RANBP3L: variants seen among roughly 807,000 people sequenced by gnomAD.
The protein encoded by RANBP3L is ran-binding protein 3-like.
Under a neutral mutation model 67.2 loss-of-function variants are expected in RANBP3L, and 56 were observed. The observed-to-expected ratio is 0.83, with a 90% CI of 0.67 to 1.04. The LOEUF is 1.04. Ranked by LOEUF, RANBP3L falls within the 50% of genes least tolerant of loss-of-function variation. The pLI is 0.00. For missense variants in RANBP3L, 496 were observed against 535.5 expected, an observed-to-expected ratio of 0.93 and a Z score of 0.73; for synonymous variants, 164 against 181.4, an observed-to-expected ratio of 0.90 and a Z score of 0.77.
chr5:36,289,113 G>C (rs1445751985), intron 1 of RANBP3L, among the ~76,000 whole-genome samples: 2 of 151,974 alleles, frequency 1.3e-5, no homozygotes, highest in African/African-American at 4.8e-5. Context: ...GGTAGGTATT[G>C]TGGTTCATTT....
chr5:36,273,297 A>G (rs951051819), intron 1 of RANBP3L, among the ~76,000 whole-genome samples: 5 of 152,226 alleles, frequency 3.3e-5, no homozygotes, highest in African/African-American at 1.2e-4. Context: ...ATCCAAGCAT[A>G]TAACTAAAAA....
chr5:36,271,375 A>C, intron 1 of RANBP3L, 64 bp from the exon 2 acceptor site: 1 of 1,060,628 alleles, frequency 9.4e-7, no homozygotes, highest in Non-Finnish European at 1.4e-6. Flanking sequence ...ACATCATCTA[A>C]AAATATTTGA....
intron 12 of RANBP3L, among the ~76,000 whole-genome samples, chr5:36,252,728 G>A (rs1321027890): frequency 6.6e-6 from 1 of 152,048 alleles, no homozygotes; most frequent in Admixed American, 6.6e-5. Context: ...CTAAAACCAA[G>A]GGGGAATCTG....
chr5:36,287,467 A>G (rs1046579401), intron 1 of RANBP3L, among the ~76,000 whole-genome samples: 1 of 152,220 alleles, frequency 6.6e-6, no homozygotes, highest in Admixed American at 6.5e-5. Context: ...TGCTATGTAA[A>G]TGCAAACAAG....
chr5:36,258,976 G>T (rs931643885), intron 8 of RANBP3L, among the ~76,000 whole-genome samples: 3 of 152,214 alleles, frequency 2.0e-5, no homozygotes, highest in African/African-American at 7.2e-5. Flanking sequence ...TTTATATACC[G>T]TAAGAACTCA....
At position 36,301,455 on chromosome 5, in the gene RANBP3L, G is replaced by A. The variant is rs1752611838; in HGVS notation, c.-39C>T. On this transcript the variant is annotated 5_prime_UTR_variant, in exon 1 of 14. Transcript: ENST00000296604. ...TGGCTGTGACTCAAGGATCACTAGG[G>A]CACCTCCTTCTCTGGCCAGTCACCT... 1 of 1,517,478 alleles carries A rather than the reference G, an allele frequency of 6.6e-7. No individual in the cohort carries two copies. The highest frequency in any genetic ancestry group is 9.1e-7 in the Non-Finnish European group (1 of 1,096,310). The allele number at this position is 1,517,478 out of a possible 1,614,324, so 94.0% of individuals were successfully genotyped here. A position where few individuals can be genotyped will look rare whatever the true frequency, so the allele number is the denominator to read the frequency against.
intron 1 of RANBP3L, among the ~76,000 whole-genome samples, chr5:36,282,171 T>C (rs1454110767): frequency 6.6e-6 from 1 of 152,166 alleles, no homozygotes; most frequent in Non-Finnish European, 1.5e-5. Context: ...ACTCGCAGTG[T>C]GAAAATGCTC....
chr5:36,271,232 C>A (rs781466028), intron 2 of RANBP3L, 21 bp downstream of exon 2: 2 of 1,334,400 alleles, frequency 1.5e-6, no homozygotes, highest in East Asian at 2.3e-5. Flanking sequence ...TAAAATTGAA[C>A]AAAGAAGTAG....
Position 36,260,806 on chromosome 5 carries a change from CA to C in RANBP3L, c.642del (p.Phe214LeufsTer6). The stretch of plus-strand genomic sequence containing the variant: ...AAAACTCTTTCTACCATGTTTTCTC[CA>C]AAAACAAAATTGGAACTGCAGCTTT... ...SFKSCSSNFV[F>X]GENMVERVLG... On this transcript the variant is annotated frameshift_variant, in exon 8 of 14. Transcript: ENST00000296604. LOFTEE classifies it high-confidence loss of function. 2 of 1,560,098 alleles carry C rather than the reference CA, an allele frequency of 1.3e-6. No individual in the cohort carries two copies. Among genetic ancestry groups the C allele is most frequent in the Non-Finnish European group, 1.8e-6 (2 of 1,135,716 alleles).
At chr5:36,271,484 G>C (rs911703598) in intron 1 of RANBP3L, among the ~76,000 whole-genome samples, 173 bp from the exon 2 acceptor site, 1 of 151,976 alleles carries the variant, frequency 6.6e-6, no homozygotes, top group African/African-American at 2.4e-5. Flanking sequence ...TAATTTAACA[G>C]TTAATTACAG....
intron 1 of RANBP3L, among the ~76,000 whole-genome samples, chr5:36,279,757 G>T (rs1469271985): frequency 6.6e-6 from 1 of 152,116 alleles, no homozygotes; most frequent in African/African-American, 2.4e-5. Context: ...GTTCTTAACT[G>T]CTTTAAAGTT....
At chr5:36,254,004 G>C (rs1024663831) in intron 11 of RANBP3L, among the ~76,000 whole-genome samples, 1 of 151,974 alleles carries the variant, frequency 6.6e-6, no homozygotes, top group African/African-American at 2.4e-5. Flanking sequence ...CTTTTTTACT[G>C]TAATATTTAA....
chr5:36,276,075 C>G (rs1750547148), intron 1 of RANBP3L, among the ~76,000 whole-genome samples: 1 of 152,166 alleles, frequency 6.6e-6, no homozygotes, highest in South Asian at 2.1e-4. Context: ...AGCAAGCATA[C>G]AGTACCTTGC....
At chr5:36,256,804 C>A (rs1455933293) in intron 10 of RANBP3L, 137 bp downstream of exon 10, 5 of 723,488 alleles carry the variant, frequency 6.9e-6, no homozygotes, top group Non-Finnish European at 8.7e-6. Flanking sequence ...TTGAGAGCAT[C>A]CAACATTTTT....
chr5:36,276,449 T>A (rs1750572270), intron 1 of RANBP3L, among the ~76,000 whole-genome samples: 1 of 151,958 alleles, frequency 6.6e-6, no homozygotes, highest in African/African-American at 2.4e-5. Context: ...AATCTCTTGA[T>A]GTGCTTAATT....
intron 1 of RANBP3L, among the ~76,000 whole-genome samples, chr5:36,289,983 A>G (rs1751601251): frequency 6.6e-6 from 1 of 152,200 alleles, no homozygotes; most frequent in Non-Finnish European, 1.5e-5. Context: ...GAAAATGTGC[A>G]ATCTTCTACA....
At chr5:36,268,221 G>C in intron 4 of RANBP3L, 1 of 1,540,674 alleles carries the variant, frequency 6.5e-7, no homozygotes, top group Non-Finnish European at 8.8e-7. Flanking sequence ...AGGTTGGGAG[G>C]TTAGTGACGG....
chr5:36,286,397 C>T (rs1378025689), intron 1 of RANBP3L, among the ~76,000 whole-genome samples: 7 of 152,156 alleles, frequency 4.6e-5, no homozygotes, highest in African/African-American at 1.7e-4. Context: ...TTCCTCTCCC[C>T]TCTCCCTTAT....
At position 36,301,650 on chromosome 5, in the gene RANBP3L, G is replaced by A; in HGVS notation, c.-234C>T. 4.7e-6 allele frequency: 2 copies of A among 426,458 alleles called. No homozygotes were observed. The highest frequency in any genetic ancestry group is 5.9e-5 in the South Asian group (1 of 17,092). 26.4% of individuals were successfully genotyped at this position (426,458 alleles called of 1,614,324 possible). A position where few individuals can be genotyped will look rare whatever the true frequency, so the allele number is the denominator to read the frequency against. On this transcript the variant is annotated 5_prime_UTR_variant, in exon 1 of 14. It introduces an in-frame stop codon into an upstream open reading frame of the 5' UTR. Transcript: ENST00000296604. The stretch of plus-strand genomic sequence containing the variant: ...TAAATATAAAGATGCCAATTCATTT[G>A]GTTAAAAACACAACTTAATTCCTTC...
Sources: gnomAD v4.1 joint callset for allele counts (sites outside exome capture counted in the v4.1 genomes callset) on GRCh38, gnomAD v4.1.1 for gene constraint, MANE v1.5 for transcripts, NCBI Gene and HGNC (gene_info 2026-07-23, HGNC 2026-07-21) for gene names.